SGCZ: variants seen among roughly 807,000 people sequenced by gnomAD.
SGCZ encodes zeta-sarcoglycan.
In SGCZ, 40 loss-of-function variants were observed where a neutral mutation model predicts 41.3. The observed-to-expected ratio is 0.97, with a 90% CI of 0.75 to 1.26. The LOEUF (loss-of-function observed/expected upper bound fraction) is 1.26, where lower values mean the gene tolerates loss of function less well. SGCZ is among the 50% of genes most tolerant of loss of function. The pLI, the probability that SGCZ is intolerant of heterozygous loss-of-function variation, is 0.00. For synonymous variants in SGCZ, 206 were observed against 137.5 expected (o/e 1.50, Z -3.49); for missense variants, 552 against 369.8 (o/e 1.49, Z -4.04).
At chr8:14,672,925 T>A (rs9657244) in intron 1 of SGCZ, among the ~76,000 whole-genome samples, 82,705 of 151,924 alleles carry the variant, frequency 0.54, 24,038 homozygotes, top group East Asian at 0.74. Flanking sequence ...CAACTACTCA[T>A]CTCTGCTGTT....
chr8:14,372,661 G>C (rs1228966383), intron 2 of SGCZ, among the ~76,000 whole-genome samples: 1 of 152,138 alleles, frequency 6.6e-6, no homozygotes, highest in Non-Finnish European at 1.5e-5. Context: ...GGGCAAGGGA[G>C]TGACTCCTGT....
At chr8:14,299,246 T>A (rs1438934806) in intron 3 of SGCZ, among the ~76,000 whole-genome samples, 1 of 151,896 alleles carries the variant, frequency 6.6e-6, no homozygotes, top group Non-Finnish European at 1.5e-5. Context: ...TAGAAAATAT[T>A]TACAAATTTC....
intron 1 of SGCZ, among the ~76,000 whole-genome samples, chr8:15,025,542 A>G (rs940437989): frequency 6.6e-6 from 1 of 152,190 alleles, no homozygotes; most frequent in Non-Finnish European, 1.5e-5. Context: ...GAAAGTATAC[A>G]GTGGTCAAAG....
In SGCZ at chr8:14,086,712, A is replaced by C. The variant is rs144313097; in HGVS notation, c.*3731T>G. Among the ~76,000 whole-genome samples the C allele has an allele frequency of 2.9e-3, 435 of 151,846 alleles. 3 individuals carry two copies. Among genetic ancestry groups the C allele is most frequent in the African/African-American group, 9.7e-3 (404 of 41,540 alleles). ...GCATGATTTTTCCAAAGGAACCTTA[A>C]TGTTCAAATGTTAAGAGTGTAAAAG... On this transcript the variant is annotated 3_prime_UTR_variant, in exon 8 of 8. Transcript: ENST00000382080.
intron 3 of SGCZ, 44 bp from the exon 4 acceptor site, chr8:14,237,723 C>T (rs368086207): frequency 7.7e-6 from 12 of 1,558,532 alleles, no homozygotes; most frequent in South Asian, 1.1e-5. Context: ...ATAGAAATAT[C>T]GTCAAATTTA....
intron 1 of SGCZ, among the ~76,000 whole-genome samples, chr8:14,996,823 G>C (rs527648904): frequency 9.8e-5 from 15 of 152,286 alleles, no homozygotes; most frequent in African/African-American, 2.9e-4. Flanking sequence ...CTCTGTATTT[G>C]ATAGTTATTC....
chr8:15,003,636 A>T (rs1160675292), intron 1 of SGCZ, among the ~76,000 whole-genome samples: 2 of 152,202 alleles, frequency 1.3e-5, no homozygotes, highest in South Asian at 4.1e-4. Context: ...CTATGAAAAC[A>T]TAACATGTTT....
chr8:14,733,549 T>C (rs1051608274), intron 1 of SGCZ, among the ~76,000 whole-genome samples: 1 of 152,228 alleles, frequency 6.6e-6, no homozygotes. Flanking sequence ...CTACTATTAA[T>C]TCTAATGAAT....
At chr8:14,909,526 C>A (rs765663412) in intron 1 of SGCZ, among the ~76,000 whole-genome samples, 33 of 151,982 alleles carry the variant, frequency 2.2e-4, no homozygotes, top group Non-Finnish European at 4.4e-4. Flanking sequence ...GCTAACCATT[C>A]CCAAGTCTTA....
chr8:14,604,064 C>T (rs577453705), intron 1 of SGCZ, among the ~76,000 whole-genome samples: 22 of 151,912 alleles, frequency 1.4e-4, no homozygotes, highest in East Asian at 1.9e-4. Flanking sequence ...TTTTGTTCCC[C>T]GAGAAATTAT....
chr8:14,208,817 G>A (rs1805702430), intron 4 of SGCZ, among the ~76,000 whole-genome samples: 1 of 152,076 alleles, frequency 6.6e-6, no homozygotes, highest in African/African-American at 2.4e-5. Context: ...GCTAATCATA[G>A]CATTATTACT....
intron 2 of SGCZ, among the ~76,000 whole-genome samples, chr8:14,440,295 T>C (rs544171867): frequency 4.8e-4 from 73 of 152,250 alleles, no homozygotes; most frequent in African/African-American, 1.7e-3. Context: ...AATATTTTCT[T>C]AAAAATATGC....
At chr8:14,863,618 G>A (rs916481099) in intron 1 of SGCZ, among the ~76,000 whole-genome samples, 1 of 152,140 alleles carries the variant, frequency 6.6e-6, no homozygotes, top group African/African-American at 2.4e-5. Flanking sequence ...CGAGGTCAGG[G>A]AAATCAACTG....
At chr8:14,423,446 C>T (rs983080927) in intron 2 of SGCZ, among the ~76,000 whole-genome samples, 6 of 151,906 alleles carry the variant, frequency 3.9e-5, no homozygotes, top group Non-Finnish European at 7.4e-5. Context: ...GATGGAGTTT[C>T]GCTCTTGTTG....
intron 1 of SGCZ, among the ~76,000 whole-genome samples, chr8:15,215,238 ATATGAATATTTCACTT>A (rs539017223): frequency 7.3e-4 from 111 of 152,328 alleles, no homozygotes; most frequent in African/African-American, 2.5e-3. Context: ...CAAGATATTA[ATATGAATATTTCACTT>A]TATGAATATT....
intron 2 of SGCZ, among the ~76,000 whole-genome samples, chr8:14,524,737 T>A (rs1457358746): frequency 6.6e-6 from 1 of 152,076 alleles, no homozygotes; most frequent in South Asian, 2.1e-4. Flanking sequence ...TCGTACTTAG[T>A]GGCAGGAATA....
chr8:15,184,989 A>G (rs144869805), intron 1 of SGCZ, among the ~76,000 whole-genome samples: 10 of 152,278 alleles, frequency 6.6e-5, no homozygotes, highest in Non-Finnish European at 1.2e-4. Flanking sequence ...TAAATGCCCT[A>G]TTACCTCAAG....
At chr8:14,119,654 C>A (rs1006528850) in intron 5 of SGCZ, among the ~76,000 whole-genome samples, 2 of 152,094 alleles carry the variant, frequency 1.3e-5, no homozygotes, top group South Asian at 4.1e-4. Flanking sequence ...GAAGGGAATG[C>A]TGCTTTCAGC....
chr8:14,896,079 T>A (rs542180796), intron 1 of SGCZ, among the ~76,000 whole-genome samples: 1 of 152,302 alleles, frequency 6.6e-6, no homozygotes, highest in Admixed American at 6.5e-5. Context: ...AAATTACAGG[T>A]CATTAAAATC....
Sources: gnomAD v4.1 joint callset for allele counts (sites outside exome capture counted in the v4.1 genomes callset) on GRCh38, gnomAD v4.1.1 for gene constraint, MANE v1.5 for transcripts, NCBI Gene and HGNC (gene_info 2026-07-23, HGNC 2026-07-21) for gene names.